BLOC1S3: variants seen among roughly 807,000 people sequenced by gnomAD.
The protein encoded by BLOC1S3 is biogenesis of lysosomal organelles complex 1 subunit 3, also known as biogenesis of lysosome-related organelles complex 1 subunit 3.
In BLOC1S3, 7 loss-of-function variants were observed where a neutral mutation model predicts 9.1. The observed-to-expected ratio is 0.77, with a 90% CI of 0.44 to 1.45. The LOEUF is 1.45. BLOC1S3 is among the 40% of genes most tolerant of loss of function. The pLI is 0.01. For missense variants in BLOC1S3, 307 were observed against 315.2 expected, an observed-to-expected ratio of 0.97 and a Z score of 0.20; for synonymous variants, 145 against 158.4, an observed-to-expected ratio of 0.92 and a Z score of 0.64.
chr19:45,195,589 C>CCCTTCCT (rs1969642217), intron 2 of BLOC1S3, among the ~76,000 whole-genome samples: 1 of 140,166 alleles, frequency 7.1e-6, no homozygotes, highest in Admixed American at 7.3e-5. Context: ...CTCCCTCTCT[C>CCCTTCCT]CCTTCCTCCC....
chr19:45,212,745 C>T (rs1007703298), intron 3 of BLOC1S3: 2 of 235,314 alleles, frequency 8.5e-6, no homozygotes, highest in Non-Finnish European at 1.6e-5. Context: ...CAGGCACACA[C>T]CACCGTGCCC....
chr19:45,209,421 GTTA>G (rs750751549), intron 3 of BLOC1S3, among the ~76,000 whole-genome samples: 3 of 151,360 alleles, frequency 2.0e-5, no homozygotes, highest in Non-Finnish European at 2.9e-5. Flanking sequence ...TTATTTTATT[GTTA>G]TTATTGTTTT....
At chr19:45,213,156 G>A in intron 3 of BLOC1S3, 1 of 1,591,580 alleles carries the variant, frequency 6.3e-7, no homozygotes, top group Non-Finnish European at 8.6e-7. Flanking sequence ...GGGAGAGGGG[G>A]AGGCGGCCCA....
chr19:45,212,132 A>C (rs916140330), intron 3 of BLOC1S3, among the ~76,000 whole-genome samples: 1 of 152,208 alleles, frequency 6.6e-6, no homozygotes, highest in Non-Finnish European at 1.5e-5. Flanking sequence ...AGGCACTTTG[A>C]GATTGACCAG....
At chr19:45,208,592 T>C (rs1011711475) in intron 3 of BLOC1S3, among the ~76,000 whole-genome samples, 3 of 151,904 alleles carry the variant, frequency 2.0e-5, no homozygotes, top group African/African-American at 7.3e-5. Context: ...CCATCTCTAC[T>C]AAAAATACAA....
At chr19:45,207,029 G>T (rs751847642) in intron 3 of BLOC1S3, among the ~76,000 whole-genome samples, 4 of 151,520 alleles carry the variant, frequency 2.6e-5, no homozygotes, top group Non-Finnish European at 4.4e-5. Context: ...TAGAGATAGG[G>T]TTTCACCATG....
Position 45,207,578 on chromosome 19 carries a change from A to C in BLOC1S3, n.282+5071A>C, listed in dbSNP as rs1052199394. On this transcript the variant is annotated intron_variant and non_coding_transcript_variant, in intron 3 of 3. Transcript: ENST00000591569. ...CTCAAAAAAAAAAAAAAAAAAAAAA[A>C]AAAAAAAACCTAGCTGGGCGTGGTA... is the stretch of plus-strand genomic sequence containing the variant. Among the ~76,000 whole-genome samples, 11 of 150,422 alleles carry C rather than the reference A, an allele frequency of 7.3e-5. No individual in the cohort carries two copies. The East Asian group carries it at 7.8e-4, about 11-fold the overall frequency.
At chr19:45,206,642 A>ATTT (rs1969729975) in intron 3 of BLOC1S3, among the ~76,000 whole-genome samples, 1 of 142,210 alleles carries the variant, frequency 7.0e-6, no homozygotes. Flanking sequence ...TTTTTTTTTA[A>ATTT]TAGAGATGGT....
intron 2 of BLOC1S3, among the ~76,000 whole-genome samples, chr19:45,195,591 C>T (rs1049796297): frequency 2.7e-5 from 4 of 147,798 alleles, no homozygotes; most frequent in Non-Finnish European, 6.0e-5. Flanking sequence ...CCCTCTCTCC[C>T]TTCCTCCCTC....
At chr19:45,209,389 C>T (rs1418958077) in intron 3 of BLOC1S3, among the ~76,000 whole-genome samples, 2 of 151,848 alleles carry the variant, frequency 1.3e-5, no homozygotes, top group African/African-American at 2.4e-5. Flanking sequence ...TTGAAAATTT[C>T]GAAGAGAGTA....
At chr19:45,194,744 GA>G (rs1243477882) in intron 2 of BLOC1S3, among the ~76,000 whole-genome samples, 1 of 152,088 alleles carries the variant, frequency 6.6e-6, no homozygotes, top group Non-Finnish European at 1.5e-5. Context: ...TCTCCAGTCA[GA>G]ACCAGGCAAA....
intron 3 of BLOC1S3, among the ~76,000 whole-genome samples, chr19:45,214,931 G>A (rs887187184): frequency 6.6e-6 from 1 of 151,512 alleles, no homozygotes; most frequent in Non-Finnish European, 1.5e-5. Context: ...AGAGGCAGGC[G>A]GATCACCTGA....
At chr19:45,198,690 TTG>T (rs1969667895) in intron 2 of BLOC1S3, among the ~76,000 whole-genome samples, 1 of 151,996 alleles carries the variant, frequency 6.6e-6, no homozygotes, top group South Asian at 2.1e-4. Context: ...CATTGTATGT[TTG>T]TTTTTGTTTT....
intron 3 of BLOC1S3, among the ~76,000 whole-genome samples, chr19:45,209,206 G>A (rs556218468): frequency 6.6e-6 from 1 of 151,644 alleles, no homozygotes; most frequent in African/African-American, 2.4e-5. Flanking sequence ...GCACCACCAT[G>A]CCCGGCTAAT....
At chr19:45,203,740 G>A (rs536515188) in intron 3 of BLOC1S3, among the ~76,000 whole-genome samples, 1 of 152,224 alleles carries the variant, frequency 6.6e-6, no homozygotes, top group African/African-American at 2.4e-5. Context: ...CACTGTAATA[G>A]AACAGCGCTG....
intron 3 of BLOC1S3, among the ~76,000 whole-genome samples, chr19:45,214,762 G>C (rs116686539): frequency 0.012 from 1,884 of 152,076 alleles, 41 homozygotes; most frequent in African/African-American, 0.043. Flanking sequence ...ACCATGCCCG[G>C]CCGATCTGGT....
rs898150266 is a variant in BLOC1S3 at position 45,204,544 on chromosome 19, A to T, written n.282+2037A>T. 2.0e-5 allele frequency among the ~76,000 whole-genome samples: 3 copies of T among 152,042 alleles called. No homozygotes were observed. The East Asian group carries it at 5.8e-4, about 29-fold the overall frequency. On this transcript the variant is annotated intron_variant and non_coding_transcript_variant, in intron 3 of 3. Coordinates refer to the BLOC1S3 transcript ENST00000591569. ...TCTCAACTAGTTGCATTCAGATGGC[A>T]GCTGGGGCTGGAGTCATCCAAAGGC...
At chr19:45,204,886 C>T (rs1344861524) in intron 3 of BLOC1S3, among the ~76,000 whole-genome samples, 2 of 151,768 alleles carry the variant, frequency 1.3e-5, no homozygotes, top group East Asian at 3.9e-4. Context: ...CATGCACCAC[C>T]ATGCCTGGTT....
chr19:45,206,113 C>T (rs899169409), intron 3 of BLOC1S3, among the ~76,000 whole-genome samples: 9 of 151,858 alleles, frequency 5.9e-5, no homozygotes, highest in African/African-American at 2.2e-4. Context: ...TTTGGGAGGC[C>T]GAGGCGGGTG....
Sources: gnomAD v4.1 joint callset for allele counts (sites outside exome capture counted in the v4.1 genomes callset) on GRCh38, gnomAD v4.1.1 for gene constraint, MANE v1.5 for transcripts, NCBI Gene and HGNC (gene_info 2026-07-23, HGNC 2026-07-21) for gene names.